Variants in GSG1L observed in about 807,000 individuals in gnomAD.
The protein encoded by GSG1L is GSG1 like.
GSG1L carries 24 observed loss-of-function variants against 42.1 expected under a neutral mutation model. The observed-to-expected ratio is 0.57, with a 90% CI of 0.41 to 0.80. The LOEUF (loss-of-function observed/expected upper bound fraction) is 0.80, where lower values mean the gene tolerates loss of function less well. Ranked by LOEUF, GSG1L falls within the 30% of genes least tolerant of loss-of-function variation. The probability of loss-of-function intolerance (pLI) is 0.00; values close to 1 mark genes in which losing one functional copy is unlikely to be tolerated. For synonymous variants in GSG1L, 215 were observed against 203.5 expected, an observed-to-expected ratio of 1.06 and a Z score of -0.48; for missense variants, 445 against 472.2, an observed-to-expected ratio of 0.94 and a Z score of 0.53.
At chr16:27,905,784 G>C (rs532157182) in intron 2 of GSG1L, among the ~76,000 whole-genome samples, 4 of 152,160 alleles carry the variant, frequency 2.6e-5, no homozygotes, top group Non-Finnish European at 5.9e-5. Context: ...GATCCTGCCT[G>C]AGTCTATGGT....
chr16:27,878,131 C>G (rs1424818096), intron 3 of GSG1L, among the ~76,000 whole-genome samples: 1 of 152,158 alleles, frequency 6.6e-6, no homozygotes. Flanking sequence ...ATGATCATAA[C>G]TCACAGCAGC....
chr16:28,051,006 T>C (rs1234523095), intron 1 of GSG1L, among the ~76,000 whole-genome samples: 2 of 152,186 alleles, frequency 1.3e-5, no homozygotes, highest in South Asian at 2.1e-4. Flanking sequence ...GGAAGCTCCA[T>C]GAAACTAAAA....
intron 2 of GSG1L, among the ~76,000 whole-genome samples, chr16:27,896,221 G>T (rs144042237): frequency 6.6e-6 from 1 of 152,162 alleles, no homozygotes. Context: ...GGGTGCTCAG[G>T]GTGGAGATGG....
At chr16:27,960,803 A>C (rs1334278971) in intron 2 of GSG1L, among the ~76,000 whole-genome samples, 4 of 151,986 alleles carry the variant, frequency 2.6e-5, no homozygotes, top group Non-Finnish European at 5.9e-5. Context: ...GTACGTGAAA[A>C]TCATTCAGCA....
At chr16:27,941,163 A>C (rs940095320) in intron 2 of GSG1L, among the ~76,000 whole-genome samples, 9 of 152,166 alleles carry the variant, frequency 5.9e-5, no homozygotes, top group Non-Finnish European at 7.3e-5. Flanking sequence ...GAACAACATC[A>C]AAATTAAAAC....
chr16:28,017,502 C>T (rs2085794580), intron 1 of GSG1L, among the ~76,000 whole-genome samples: 1 of 152,136 alleles, frequency 6.6e-6, no homozygotes, highest in South Asian at 2.1e-4. Context: ...CCTGTGGCAC[C>T]CTGAGCCATG....
At chr16:27,819,248 T>TAA (rs57616813) in intron 5 of GSG1L, among the ~76,000 whole-genome samples, 169 of 143,672 alleles carry the variant, frequency 1.2e-3, no homozygotes, top group African/African-American at 4.0e-3. Context: ...GACTCTGTCT[T>TAA]AAAAAAAAAA....
rs1271889765 is a variant in GSG1L, at chr16:27,886,636, G to T, written c.398-1998C>A. On this transcript the variant is annotated intron_variant, in intron 2 of 6. Coordinates refer to ENST00000447459, the MANE Select transcript of GSG1L (RefSeq NM_001109763.2). ...TGGAGACTGGAAATACAGCCCAGGG[G>T]CTCTTGACGAGGTCAAGGCTAGAGA... is the stretch of plus-strand genomic sequence containing the variant. Among the ~76,000 whole-genome samples, 3 of 152,212 alleles carry T rather than the reference G, an allele frequency of 2.0e-5. No individual in the cohort carries two copies. The East Asian group carries it at 5.8e-4, about 29-fold the overall frequency.
At chr16:27,955,516 C>G (rs2084992706) in intron 2 of GSG1L, among the ~76,000 whole-genome samples, 1 of 152,240 alleles carries the variant, frequency 6.6e-6, no homozygotes, top group African/African-American at 2.4e-5. Flanking sequence ...AAATTTTCAA[C>G]AACACTGGAG....
chr16:27,792,901 C>T (rs779951174), intron 6 of GSG1L, among the ~76,000 whole-genome samples: 1 of 152,102 alleles, frequency 6.6e-6, no homozygotes, highest in African/African-American at 2.4e-5. Flanking sequence ...ATGAGGGAGC[C>T]GAGGCTCTGT....
intron 2 of GSG1L, among the ~76,000 whole-genome samples, chr16:27,921,447 T>C (rs1427545417): frequency 6.6e-6 from 1 of 152,208 alleles, no homozygotes; most frequent in African/African-American, 2.4e-5. Flanking sequence ...TCCATAGCCT[T>C]ATATCTGCCA....
chr16:28,032,778 G>T (rs1158470009), intron 1 of GSG1L, among the ~76,000 whole-genome samples: 1 of 152,104 alleles, frequency 6.6e-6, no homozygotes, highest in African/African-American at 2.4e-5. Context: ...CATCCAATTT[G>T]TCAGCAGATC....
At chr16:27,923,948 T>A (rs1259346858) in intron 2 of GSG1L, among the ~76,000 whole-genome samples, 2 of 152,228 alleles carry the variant, frequency 1.3e-5, no homozygotes, top group East Asian at 3.9e-4. Flanking sequence ...ACTTGCTCTG[T>A]GACTTTGGGG....
At chr16:27,827,398 A>G (rs1295774169) in intron 5 of GSG1L, among the ~76,000 whole-genome samples, 2 of 152,156 alleles carry the variant, frequency 1.3e-5, no homozygotes. Context: ...TGCCACAAAC[A>G]TAGGCACAGC....
At chr16:27,992,243 T>A (rs1292175815) in intron 1 of GSG1L, among the ~76,000 whole-genome samples, 1 of 152,160 alleles carries the variant, frequency 6.6e-6, no homozygotes, top group African/African-American at 2.4e-5. Context: ...ACGCCTGTAA[T>A]CCAAGCACTT....
At chr16:28,002,279 G>A (rs2085586147) in intron 1 of GSG1L, among the ~76,000 whole-genome samples, 1 of 152,222 alleles carries the variant, frequency 6.6e-6, no homozygotes, top group Admixed American at 6.5e-5. Flanking sequence ...TTCTACAAGA[G>A]AGAACACTTC....
chr16:28,019,050 T>C (rs188308164), intron 1 of GSG1L, among the ~76,000 whole-genome samples: 2 of 152,250 alleles, frequency 1.3e-5, no homozygotes, highest in East Asian at 3.9e-4. Flanking sequence ...CATGAGCCAC[T>C]GTACACCCTG....
chr16:27,914,844 T>C (rs1368726783), intron 2 of GSG1L, among the ~76,000 whole-genome samples: 1 of 152,120 alleles, frequency 6.6e-6, no homozygotes, highest in Non-Finnish European at 1.5e-5. Context: ...TCCTACCAGA[T>C]GCTAAATATC....
intron 1 of GSG1L, among the ~76,000 whole-genome samples, chr16:28,009,104 T>C (rs2085682848): frequency 6.6e-6 from 1 of 152,118 alleles, no homozygotes; most frequent in Non-Finnish European, 1.5e-5. Context: ...CCACGGTGCT[T>C]GGCCACATCA....
Sources: gnomAD v4.1 joint callset for allele counts (sites outside exome capture counted in the v4.1 genomes callset) on GRCh38, gnomAD v4.1.1 for gene constraint, MANE v1.5 for transcripts, NCBI Gene and HGNC (gene_info 2026-07-23, HGNC 2026-07-21) for gene names.